PCDHA1: variants seen among roughly 807,000 people sequenced by gnomAD.
The protein encoded by PCDHA1 is protocadherin alpha 1.
In PCDHA1, 42 loss-of-function variants were observed where a neutral mutation model predicts 61.3. The ratio of observed to expected loss-of-function variants is 0.69; its 90% CI spans 0.54 to 0.89. PCDHA1 has a LOEUF of 0.89. Among genes scored for constraint, PCDHA1 ranks in the 40% least tolerant of loss-of-function variants. PCDHA1 has a pLI of 0.00. For missense variants in PCDHA1, 1,256 were observed against 1,235.3 expected, an observed-to-expected ratio of 1.02 and a Z score of -0.25; for synonymous variants, 610 against 553.8, an observed-to-expected ratio of 1.10 and a Z score of -1.43.
rs2150425951 is a variant in PCDHA1 at position 140,848,946 on chromosome 5, C to A, written c.2394+60262C>A. The A allele has an allele frequency of 3.1e-6, 5 of 1,607,242 alleles. No individual in the cohort carries two copies. In the South Asian group the frequency reaches 5.5e-5, roughly 18 times the overall value. ...CGCGGAATCCAGGCCGCTTGACTCT[C>A]GGTTTCCACTAGAGGGCGCGTCCGA... On this transcript the variant is annotated intron_variant, in intron 1 of 3. Transcript: ENST00000504120.
intron 1 of PCDHA1, chr5:140,857,742 T>A (rs375305711): frequency 1.3e-6 from 2 of 1,597,392 alleles, no homozygotes; most frequent in Non-Finnish European, 1.7e-6. Flanking sequence ...CCCGCGCTGC[T>A]GGCGTCTCCC....
intron 1 of PCDHA1, among the ~76,000 whole-genome samples, chr5:140,886,931 G>A (rs1426144437): frequency 6.6e-6 from 1 of 151,756 alleles, no homozygotes; most frequent in Non-Finnish European, 1.5e-5. Context: ...CTATGTGCCA[G>A]GCATGTTCTA....
intron 1 of PCDHA1, chr5:140,794,728 A>T: frequency 2.0e-6 from 1 of 493,632 alleles, no homozygotes; most frequent in East Asian, 3.2e-5. Flanking sequence ...AGTAAACTTA[A>T]ACCAGAAAAT....
chr5:140,969,238 A>G, intron 1 of PCDHA1: 3 of 1,614,222 alleles, frequency 1.9e-6, no homozygotes, highest in South Asian at 1.1e-5. Flanking sequence ...GAGCCCAAGC[A>G]GCAGTGACTG....
At chr5:140,945,954 A>G (rs187878503) in intron 1 of PCDHA1, among the ~76,000 whole-genome samples, 130 of 152,264 alleles carry the variant, frequency 8.5e-4, no homozygotes, top group Non-Finnish European at 1.6e-3. Flanking sequence ...ATGACCCTGA[A>G]AGCACAGGCA....
chr5:140,786,644 T>A lies in PCDHA1; in HGVS notation c.354T>A (p.His118Gln). The change falls in exon 1 of 4, where the codon CAT (histidine) becomes CAA (glutamine). Residue 118 changes from histidine to glutamine, a missense_variant. Physicochemically the swap from His to Gln is conservative, Grantham distance 24 (BLOSUM62 0). Transcript: ENST00000504120. ...LIADRPLQVFHVEVKVKDIND... is the reference protein window; with the variant it reads ...LIADRPLQVFQVEVKVKDIND... ...CCGACAGGCCGCTGCAGGTTTTCCA[T>A]GTGGAGGTGAAGGTGAAAGACATTA... The A allele has an allele frequency of 6.2e-7, 1 of 1,614,214 alleles. No homozygotes were observed.
rs188762939 is a variant in PCDHA1 at position 140,839,461 on chromosome 5, C to T, written c.2394+50777C>T. Among the ~76,000 whole-genome samples, 181 of 152,038 alleles carry T rather than the reference C, an allele frequency of 1.2e-3. 3 individuals carry two copies. Among genetic ancestry groups the T allele is most frequent in the Middle Eastern group, 3.4e-3 (1 of 294 alleles). On this transcript the variant is annotated intron_variant, in intron 1 of 3. Transcript: ENST00000504120. The stretch of plus-strand genomic sequence containing the variant: ...CTGCAGTGCAGTGGCACAATCTGGG[C>T]TTACTGCAATCTCTGCCTCCTGGGC...
chr5:140,819,605 C>T (rs1261438222), intron 1 of PCDHA1, among the ~76,000 whole-genome samples: 1 of 152,002 alleles, frequency 6.6e-6, no homozygotes, highest in Non-Finnish European at 1.5e-5. Flanking sequence ...CCTGTGGAGT[C>T]TCCCATGAAA....
At chr5:140,905,135 T>G (rs2071619691) in intron 1 of PCDHA1, among the ~76,000 whole-genome samples, 1 of 152,208 alleles carries the variant, frequency 6.6e-6, no homozygotes, top group Admixed American at 6.5e-5. Context: ...GAAGAGTTTT[T>G]CTGCTGTTAT....
At chr5:140,968,041 C>T (rs1554230247) in intron 1 of PCDHA1, 1 of 1,614,140 alleles carries the variant, frequency 6.2e-7, no homozygotes, top group Non-Finnish European at 8.5e-7. Context: ...TGGTGAGCGG[C>T]CCACTGGACC....
At chr5:140,981,692 T>C (rs1168412872) in intron 2 of PCDHA1, among the ~76,000 whole-genome samples, 1 of 150,826 alleles carries the variant, frequency 6.6e-6, no homozygotes, top group Non-Finnish European at 1.5e-5. Flanking sequence ...CTTCCATCAT[T>C]CATTCATTCA....
At chr5:140,965,703 G>T (rs1280783019) in intron 1 of PCDHA1, among the ~76,000 whole-genome samples, 1 of 152,178 alleles carries the variant, frequency 6.6e-6, no homozygotes, top group Non-Finnish European at 1.5e-5. Flanking sequence ...GAAAAAGCTT[G>T]AGAGAAGAAT....
chr5:140,957,763 T>C (rs1375605810), intron 1 of PCDHA1, among the ~76,000 whole-genome samples: 1 of 152,100 alleles, frequency 6.6e-6, no homozygotes, highest in Non-Finnish European at 1.5e-5. Context: ...TCATTATATA[T>C]GTTAAGTAAA....
chr5:140,802,115 T>C (rs1762849128), intron 1 of PCDHA1: 7 of 1,614,016 alleles, frequency 4.3e-6, no homozygotes, highest in South Asian at 2.2e-5. Flanking sequence ...GTGTAAAGGG[T>C]AACATAGATT....
chr5:140,786,469 T>C lies in PCDHA1; in HGVS notation c.179T>C (p.Val60Ala), dbSNP rs782097281. Reference protein sequence around the residue: ...QDLGLELAELVPRLFRVASKT... With the variant: ...QDLGLELAELAPRLFRVASKT... ...CTGGGACTGGAGCTGGCGGAGCTGG[T>C]GCCTCGCCTGTTCCGGGTGGCGTCC... Residue 60 changes from valine (V) to alanine (A), a missense_variant, in exon 1 of 4, where the codon GTG becomes GCG. Coordinates refer to ENST00000504120, the MANE Select transcript of PCDHA1 (RefSeq NM_018900.4). 1.2e-6 allele frequency: 2 copies of C among 1,613,518 alleles called. No homozygotes were observed. Among genetic ancestry groups the C allele is most frequent in the South Asian group, 1.1e-5 (1 of 91,060 alleles).
chr5:140,891,612 T>C (rs182874243), intron 1 of PCDHA1, among the ~76,000 whole-genome samples: 2 of 152,350 alleles, frequency 1.3e-5, no homozygotes, highest in Admixed American at 1.3e-4. Context: ...TTCTACCTTT[T>C]ATTTTAACAC....
At chr5:140,884,532 G>A in intron 1 of PCDHA1, 2 of 1,614,042 alleles carry the variant, frequency 1.2e-6, no homozygotes, top group South Asian at 2.2e-5. Flanking sequence ...CAGCAGAGGC[G>A]GCCGAGGGTG....
At chr5:140,977,337 G>A (rs1554238444) in intron 1 of PCDHA1, among the ~76,000 whole-genome samples, 4 of 152,150 alleles carry the variant, frequency 2.6e-5, no homozygotes, top group South Asian at 2.1e-4. Context: ...GGGGAGAGAC[G>A]GTGATGATGA....
At chr5:140,854,518 G>A (rs1446011923) in intron 1 of PCDHA1, 1 of 149,946 alleles carries the variant, frequency 6.7e-6, no homozygotes, top group Non-Finnish European at 1.5e-5. Flanking sequence ...GATGGATTAA[G>A]TGACACCCAT....
Sources: allele counts gnomAD v4.1 joint callset (sites outside exome capture counted in the v4.1 genomes callset), GRCh38; gene constraint gnomAD v4.1.1; transcripts MANE v1.5; gene names NCBI Gene and HGNC (gene_info 2026-07-23, HGNC 2026-07-21).